CTSC: variants seen among roughly 807,000 people sequenced by gnomAD.
The protein encoded by CTSC is cathepsin C.
Under a neutral mutation model 40.9 loss-of-function variants are expected in CTSC, and 37 were observed. The ratio of observed to expected loss-of-function variants is 0.91; its 90% CI spans 0.70 to 1.19. The LOEUF is 1.19. Ranked by LOEUF, CTSC falls within the 50% of genes most tolerant of loss-of-function variation. The probability of loss-of-function intolerance (pLI) is 0.00; values close to 1 mark genes in which losing one functional copy is unlikely to be tolerated. For synonymous variants in CTSC, 232 were observed against 207.4 expected, an observed-to-expected ratio of 1.12 and a Z score of -1.02; for missense variants, 594 against 567.3, an observed-to-expected ratio of 1.05 and a Z score of -0.48.
At chr11:88,315,107 C>CA (rs1234490253) in intron 2 of CTSC, among the ~76,000 whole-genome samples, 2 of 152,120 alleles carry the variant, frequency 1.3e-5, no homozygotes, top group Admixed American at 6.5e-5. Context: ...ACCTAAACTC[C>CA]ATAAAGTTGT....
At chr11:88,325,675 C>G (rs1938161969) in intron 2 of CTSC, 2 of 984,792 alleles carry the variant, frequency 2.0e-6, no homozygotes, top group Non-Finnish European at 2.4e-6. Flanking sequence ...CTTCTTAGCA[C>G]AAAGCTTGTA....
chr11:88,294,355 A>G lies in CTSC; in HGVS notation c.1043T>C (p.Val348Ala). ...FRYYSSEYHY[V>A]GGFYGGCNEA... ...ATTGCAGCCTCCATAGAAACCTCCT[A>G]CATAGTGGTACTCAGAGGAGTAATA... The change falls in exon 7 of 7, where the codon GTA becomes GCA. Residue 348 changes from valine to alanine, a missense_variant. By Grantham distance (64) the Val-to-Ala change is moderately conservative (BLOSUM62 0). Coordinates refer to ENST00000227266, the MANE Select transcript of CTSC (RefSeq NM_001814.6). 1 of 1,614,138 alleles carries G rather than the reference A, an allele frequency of 6.2e-7. No individual in the cohort carries two copies. The highest frequency in any genetic ancestry group is 8.5e-7 in the Non-Finnish European group (1 of 1,180,010).
intron 1 of CTSC, among the ~76,000 whole-genome samples, chr11:88,335,316 A>T (rs1938465939): frequency 6.6e-6 from 1 of 152,046 alleles, no homozygotes; most frequent in Non-Finnish European, 1.5e-5. Flanking sequence ...AAGCAGAAGC[A>T]GTGGCTCACG....
Position 88,326,135 on chromosome 11 carries a change from A to C in CTSC, c.318+8802T>G, listed in dbSNP as rs1591239791. ...AAAAACTGAACGGTGAAGCCACCCA[A>C]GATTTTGCATCTTCAGAATTTTTTT... On this transcript the variant is annotated intron_variant, in intron 2 of 6. Transcript: ENST00000227266. The C allele has an allele frequency of 3.0e-6, 4 of 1,312,580 alleles. No individual in the cohort carries two copies. In the East Asian group the frequency reaches 1.1e-4, roughly 35 times the overall value. 81.3% of individuals were successfully genotyped at this position (1,312,580 alleles called of 1,614,324 possible).
In CTSC at chr11:88,297,422, A is replaced by C. The variant is rs900423886; in HGVS notation, c.758-1158T>G. ...TTCCTCCTTTCTTGTTTTGCCCCTC[A>C]TTAGCTGTGCAACACTGGACAACTT... On this transcript the variant is annotated intron_variant, in intron 5 of 6. Transcript: ENST00000227266. The C allele has an allele frequency of 5.3e-5, 8 of 152,040 alleles. No homozygotes were observed. In the East Asian group the frequency reaches 1.4e-3, roughly 26 times the overall value. 9.4% of individuals were successfully genotyped at this position (152,040 alleles called of 1,614,324 possible). A position where few individuals can be genotyped will look rare whatever the true frequency, so the allele number is the denominator to read the frequency against.
intron 1 of CTSC, among the ~76,000 whole-genome samples, chr11:88,335,783 C>A (rs538671907): frequency 6.6e-5 from 10 of 152,032 alleles, no homozygotes; most frequent in Non-Finnish European, 1.5e-4. Flanking sequence ...AAAGGTATGA[C>A]AACAAAAAGA....
intron 4 of CTSC, among the ~76,000 whole-genome samples, chr11:88,302,761 T>C (rs927676235): frequency 6.6e-6 from 1 of 152,072 alleles, no homozygotes; most frequent in Non-Finnish European, 1.5e-5. Flanking sequence ...CAAACACTAG[T>C]TAATTGTTCA....
At chr11:88,336,823 C>T (rs184420676) in intron 1 of CTSC, among the ~76,000 whole-genome samples, 18 of 152,226 alleles carry the variant, frequency 1.2e-4, no homozygotes, top group African/African-American at 3.9e-4. Context: ...TGGAATATCT[C>T]CAGTATGTTC....
At chr11:88,311,476 CA>C (rs1937755229) in intron 3 of CTSC, among the ~76,000 whole-genome samples, 1 of 152,102 alleles carries the variant, frequency 6.6e-6, no homozygotes, top group Admixed American at 6.5e-5. Flanking sequence ...CTACATAAAA[CA>C]GAAAAAGTAA....
Position 88,294,492 on chromosome 11 carries a change from G to A in CTSC, c.906C>T (p.Phe302=). The change falls in exon 7 of 7, where the codon TTC becomes TTT. Residue 302 remains phenylalanine (F), a synonymous_variant. Transcript: ENST00000227266. ...SQYAQGCEGG[F]PYLIAGKYAQ... ...CGTACTTTCCTGCAATAAGGTATGG[G>A]AAGCCGCCTTCACAGCCTGAAGATG... 1.9e-6 allele frequency: 3 copies of A among 1,614,138 alleles called. No individual in the cohort carries two copies. Among genetic ancestry groups the A allele is most frequent in the Non-Finnish European group, 2.5e-6 (3 of 1,180,020 alleles).
chr11:88,304,253 T>C (rs74407764), intron 4 of CTSC, among the ~76,000 whole-genome samples: 155 of 152,296 alleles, frequency 1.0e-3, no homozygotes, highest in Admixed American at 4.4e-3. Context: ...AGGGTTGTTA[T>C]GAAAATTCAA....
intron 2 of CTSC, among the ~76,000 whole-genome samples, chr11:88,319,955 A>ACAAT (rs1276709223): frequency 6.6e-6 from 1 of 152,202 alleles, no homozygotes; most frequent in Non-Finnish European, 1.5e-5. Flanking sequence ...AGAAATCTAT[A>ACAAT]TACGTACAAT....
At chr11:88,337,416 G>A in intron 1 of CTSC, 85 bp downstream of exon 1, 3 of 1,369,284 alleles carry the variant, frequency 2.2e-6, no homozygotes, top group East Asian at 2.5e-5. Flanking sequence ...GTCTGCCTGG[G>A]GGGAAGCGGT....
At chr11:88,299,368 AG>A (rs1944333133) in intron 5 of CTSC, 1 of 152,220 alleles carries the variant, frequency 6.6e-6, no homozygotes, top group Non-Finnish European at 1.5e-5. Context: ...TTTCCAAAGA[AG>A]CCCTCCCCAG....
chr11:88,334,081 T>C (rs1938430076), intron 2 of CTSC, among the ~76,000 whole-genome samples: 1 of 152,210 alleles, frequency 6.6e-6, no homozygotes. Flanking sequence ...ACAGAGTTAT[T>C]CCCTACTTTC....
At chr11:88,337,013 A>G (rs1271911072) in intron 1 of CTSC, among the ~76,000 whole-genome samples, 2 of 150,868 alleles carry the variant, frequency 1.3e-5, no homozygotes, top group Non-Finnish European at 3.0e-5. Flanking sequence ...GTACTCATCA[A>G]CACCCGCTCA....
At chr11:88,325,227 T>C in intron 2 of CTSC, 2 of 985,244 alleles carry the variant, frequency 2.0e-6, no homozygotes, top group Non-Finnish European at 2.4e-6. Flanking sequence ...GTACTTAATT[T>C]GAAGTTTACA....
chr11:88,301,868 C>A (rs919231857), intron 4 of CTSC, among the ~76,000 whole-genome samples: 14 of 151,988 alleles, frequency 9.2e-5, no homozygotes, highest in Admixed American at 3.3e-4. Context: ...ACACATTCGA[C>A]TTCTTGGAGT....
chr11:88,304,844 T>C lies in CTSC; in HGVS notation c.642-4199A>G, dbSNP rs570062463. 2.0e-4 allele frequency among the ~76,000 whole-genome samples: 30 copies of C among 152,270 alleles called. No individual in the cohort carries two copies. The South Asian group carries it at 5.8e-3, about 29-fold the overall frequency. On this transcript the variant is annotated intron_variant, in intron 4 of 6. Transcript: ENST00000227266. Reference sequence around the variant, plus strand: ...CAGGTTTGGTGGCTCACATCTGTAATTGCAGCACTTTGGGAGGCCAAGGTA... The same window carrying C: ...CAGGTTTGGTGGCTCACATCTGTAACTGCAGCACTTTGGGAGGCCAAGGTA...
Sources: allele counts gnomAD v4.1 joint callset (sites outside exome capture counted in the v4.1 genomes callset), GRCh38; gene constraint gnomAD v4.1.1; transcripts MANE v1.5; gene names NCBI Gene and HGNC (gene_info 2026-07-23, HGNC 2026-07-21).